The following METTL9 variants were observed in gnomAD, a reference collection of about 807,000 sequenced individuals.
METTL9 encodes methyltransferase 9, His-X-His N1(pi)-histidine, also known as protein-L-histidine N-pros-methyltransferase.
In METTL9, 10 loss-of-function variants were observed where a neutral mutation model predicts 36.0. The observed-to-expected ratio is 0.28, with a 90% CI of 0.17 to 0.47. The LOEUF (loss-of-function observed/expected upper bound fraction) is 0.47, where lower values mean the gene tolerates loss of function less well. Among genes scored for constraint, METTL9 ranks in the 20% least tolerant of loss-of-function variants. The probability of loss-of-function intolerance (pLI) is 0.99; values close to 1 mark genes in which losing one functional copy is unlikely to be tolerated. For synonymous variants in METTL9, 175 were observed against 149.7 expected, an observed-to-expected ratio of 1.17 and a Z score of -1.23; for missense variants, 246 against 383.5, an observed-to-expected ratio of 0.64 and a Z score of 3.00.
At chr16:21,638,459 T>G (rs1966162526) in intron 4 of METTL9, among the ~76,000 whole-genome samples, 1 of 152,348 alleles carries the variant, frequency 6.6e-6, no homozygotes, top group South Asian at 2.1e-4. Context: ...GCTACATATC[T>G]CAATTTAAAT....
intron 4 of METTL9, chr16:21,627,110 TA>T: frequency 1.0e-6 from 1 of 985,396 alleles, no homozygotes; most frequent in Non-Finnish European, 1.2e-6. Flanking sequence ...TAGTGACCTA[TA>T]AATTTTGCAG....
upstream of METTL9, chr16:21,599,473 C>A (rs996608878): frequency 1.4e-5 from 16 of 1,175,412 alleles, no homozygotes; most frequent in Non-Finnish European, 1.7e-5. This position sits in a 1 kb window ranked among gnomAD's most constrained non-coding sequence, Gnocchi z 4.4. Flanking sequence ...GAGAAAGCGA[C>A]GCGGCCGCTC....
rs1306873926 is a variant in METTL9, at chr16:21,599,874, G to T, written c.141G>T (p.Ala47=). Residue 47 remains alanine, a synonymous_variant, in exon 1 of 5, where the codon GCG becomes GCT. Transcript: ENST00000358154. The surrounding 1 kb of genome is among the most constrained non-coding windows in gnomAD (Gnocchi z 4.4). ...GCCCGGGTGGGCCGGCGGCGGCCGC[G>T]GGCGGCAGGAAGGAGAACCACCAGG... ...TSGPGGPAAA[A]GGRKENHQWY... 1 of 1,476,242 alleles carries T rather than the reference G, an allele frequency of 6.8e-7. No homozygotes were observed. Among genetic ancestry groups the T allele is most frequent in the South Asian group, 1.3e-5 (1 of 78,046 alleles). 91.4% of individuals were successfully genotyped at this position (1,476,242 alleles called of 1,614,324 possible).
chr16:21,655,351 A>G lies in METTL9; in HGVS notation c.876A>G (p.Arg292=). Reference sequence around the variant, plus strand: ...GTTTTGTTATCGAAGCTTTCACCAGACTACCATACCTGTGTGAAGGCGACA... The same window carrying G: ...GTTTTGTTATCGAAGCTTTCACCAGGCTACCATACCTGTGTGAAGGCGACA... ...KAGFVIEAFT[R]LPYLCEGDMY... Residue 292 remains arginine (R), a synonymous_variant, in exon 5 of 5, where the codon AGA becomes AGG. Transcript: ENST00000358154. 6.2e-7 allele frequency: 1 copy of G among 1,614,214 alleles called. No individual in the cohort carries two copies. Among genetic ancestry groups the G allele is most frequent in the East Asian group, 2.2e-5 (1 of 44,892 alleles).
intron 3 of METTL9, among the ~76,000 whole-genome samples, chr16:21,622,715 TA>T (rs1247791833): frequency 3.9e-5 from 6 of 152,198 alleles, no homozygotes; most frequent in Admixed American, 3.9e-4. Flanking sequence ...GGTATAGATT[TA>T]ACTGTCTTAG....
chr16:21,600,068 C>G (rs972479008), intron 1 of METTL9, among the ~76,000 whole-genome samples, 170 bp downstream of exon 1: 66 of 151,824 alleles, frequency 4.3e-4, no homozygotes, highest in Non-Finnish European at 8.0e-4. Flanking sequence ...GTCGACTCCG[C>G]GAGCCCCGGG....
In METTL9 at chr16:21,657,449, A is replaced by G. The variant is rs563666555; in HGVS notation, c.*2017A>G. 2.0e-5 allele frequency: 3 copies of G among 152,302 alleles called. No individual in the cohort carries two copies. Among genetic ancestry groups the G allele is most frequent in the Non-Finnish European group, 4.4e-5 (3 of 68,020 alleles). The allele number at this position is 152,302 out of a possible 1,614,324, so 9.4% of individuals were successfully genotyped here. A position where few individuals can be genotyped will look rare whatever the true frequency, so the allele number is the denominator to read the frequency against. ...TCATGTTTTTCTCCCCCAAAGTACA[A>G]TAAAGCTGCCTTGTCTGCACCATTC... On this transcript the variant is annotated 3_prime_UTR_variant, in exon 5 of 5. Coordinates refer to ENST00000358154, the MANE Select transcript of METTL9 (RefSeq NM_016025.5).
At chr16:21,627,810 G>A (rs562652854) in intron 4 of METTL9, among the ~76,000 whole-genome samples, 14 of 152,102 alleles carry the variant, frequency 9.2e-5, no homozygotes, top group South Asian at 6.2e-4. Context: ...AAAATTAGCC[G>A]GGTGTGGTGG....
In METTL9 at chr16:21,620,953, A is replaced by C. The variant is rs117475090; in HGVS notation, c.566+2879A>C. On this transcript the variant is annotated intron_variant, in intron 3 of 4. Coordinates refer to ENST00000358154, the MANE Select transcript of METTL9 (RefSeq NM_016025.5). ...TCTCTTCAATATCTGGGCCATGAAA[A>C]ACAGGCTTTTTATTAATTTATATAT... Among the ~76,000 whole-genome samples the C allele has an allele frequency of 8.7e-3, 1,318 of 152,026 alleles. 44 individuals carry two copies. Among genetic ancestry groups the C allele is most frequent in the East Asian group, 0.081 (419 of 5,178 alleles).
chr16:21,599,623 C>A lies in METTL9; in HGVS notation c.-111C>A. ...CCTGAAGGGGGCTGGATGGGCAAGG[C>A]GGCCGCGATGGCTCGAGCTCGGGCG... On this transcript the variant is annotated 5_prime_UTR_variant, in exon 1 of 5. Transcript: ENST00000358154. The surrounding 1 kb of genome is among the most constrained non-coding windows in gnomAD (Gnocchi z 4.4). 7.5e-7 allele frequency: 1 copy of A among 1,333,528 alleles called. No individual in the cohort carries two copies. The highest frequency in any genetic ancestry group is 9.5e-7 in the Non-Finnish European group (1 of 1,050,624). 82.6% of individuals were successfully genotyped at this position (1,333,528 alleles called of 1,614,324 possible). A position where few individuals can be genotyped will look rare whatever the true frequency, so the allele number is the denominator to read the frequency against.
intron 1 of METTL9, among the ~76,000 whole-genome samples, chr16:21,610,578 T>A (rs1424763357): frequency 1.3e-5 from 2 of 152,242 alleles, no homozygotes; most frequent in African/African-American, 4.8e-5. Flanking sequence ...CAGAAAGACC[T>A]GTGTGACAGT....
chr16:21,609,475 G>A (rs754638229), intron 1 of METTL9, among the ~76,000 whole-genome samples: 6 of 152,144 alleles, frequency 3.9e-5, no homozygotes, highest in South Asian at 2.1e-4. Flanking sequence ...GTATGAAAGG[G>A]TATTAGAACA....
intron 1 of METTL9, among the ~76,000 whole-genome samples, chr16:21,602,717 G>A (rs1965168139): frequency 6.6e-6 from 1 of 151,840 alleles, no homozygotes; most frequent in Non-Finnish European, 1.5e-5. Flanking sequence ...GAGCGCAGTG[G>A]CCCAATTTTG....
chr16:21,626,830 A>G (rs1462114478), intron 4 of METTL9: 2 of 557,970 alleles, frequency 3.6e-6, no homozygotes, highest in Non-Finnish European at 4.6e-6. Context: ...GGGCAACCGC[A>G]TGATAGAACT....
intron 3 of METTL9, among the ~76,000 whole-genome samples, chr16:21,620,470 C>CG (rs1965667614): frequency 6.6e-6 from 1 of 152,060 alleles, no homozygotes; most frequent in Non-Finnish European, 1.5e-5. Flanking sequence ...TGAAGTGGGT[C>CG]GAAGAGGAAG....
chr16:21,623,700 G>A (rs1249988107), intron 3 of METTL9, among the ~76,000 whole-genome samples: 3 of 152,058 alleles, frequency 2.0e-5, no homozygotes, highest in Non-Finnish European at 2.9e-5. Flanking sequence ...GATCGAGAGT[G>A]GTTTTTTTTT....
intron 4 of METTL9, among the ~76,000 whole-genome samples, chr16:21,645,397 C>T (rs1966395806): frequency 1.3e-5 from 2 of 152,032 alleles, no homozygotes; most frequent in Admixed American, 1.3e-4. Flanking sequence ...AGGTTGGTTG[C>T]AGTGAGCTGA....
chr16:21,646,812 T>G, intron 4 of METTL9: 1 of 356,898 alleles, frequency 2.8e-6, no homozygotes, highest in Non-Finnish European at 5.5e-6. Flanking sequence ...CATGCCACCA[T>G]GCGCGGCTAA....
chr16:21,647,420 AC>A, intron 4 of METTL9: 1 of 1,614,008 alleles, frequency 6.2e-7, no homozygotes, highest in Non-Finnish European at 8.5e-7. Flanking sequence ...CTTTATGGTG[AC>A]GGCCTCATGA....
Sources: allele counts gnomAD v4.1 joint callset (sites outside exome capture counted in the v4.1 genomes callset), GRCh38; gene constraint gnomAD v4.1.1; non-coding constraint Gnocchi (gnomAD v3.1); transcripts MANE v1.5; gene names NCBI Gene and HGNC (gene_info 2026-07-23, HGNC 2026-07-21).